The following MAP1S variants were observed in gnomAD, a reference collection of about 807,000 sequenced individuals.
MAP1S encodes microtubule-associated protein 1S.
MAP1S carries 27 observed loss-of-function variants against 60.9 expected under a neutral mutation model. The ratio of observed to expected loss-of-function variants is 0.44; its 90% CI spans 0.33 to 0.61. The LOEUF is 0.61. Ranked by LOEUF, MAP1S falls within the 20% of genes least tolerant of loss-of-function variation. The pLI, the probability that MAP1S is intolerant of heterozygous loss-of-function variation, is 0.03. For synonymous variants in MAP1S, 826 were observed against 694.2 expected (o/e 1.19, Z -2.98); for missense variants, 1,608 against 1,486.6 (o/e 1.08, Z -1.34).
rs948979492 is a variant in MAP1S at position 17,719,519 on chromosome 19, G to A, written c.17G>A (p.Gly6Glu). The A allele has an allele frequency of 4.6e-5, 57 of 1,245,724 alleles. No individual in the cohort carries two copies. Among genetic ancestry groups the A allele is most frequent in the Admixed American group, 1.7e-4 (4 of 23,664 alleles). The allele number at this position is 1,245,724 out of a possible 1,614,324, so 77.2% of individuals were successfully genotyped here. Residue 6 changes from glycine (G) to glutamate (E), a missense_variant, in exon 1 of 7, where the codon GGA (glycine) becomes GAA (glutamate). Physicochemically the swap from Gly to Glu is moderately conservative, Grantham distance 98. Around this residue, in one of 4 missense-constraint regions of MAP1S, gnomAD observed 45 missense variants for 22.0 expected, o/e 2.04. Coordinates refer to ENST00000324096, the MANE Select transcript of MAP1S (RefSeq NM_018174.6). The stretch of plus-strand genomic sequence containing the variant: ...GGCCCGAAGATGGCGGCGGTGGCTG[G>A]ATCTGGGGCTGCCGCGGCTCCGAGC... MAAVA[G>E]SGAAAAPSSL...
At position 17,723,687 on chromosome 19, in the gene MAP1S, A is replaced by G. The variant is rs1376378548; in HGVS notation, c.221-439A>G. Among the ~76,000 whole-genome samples the G allele has an allele frequency of 2.6e-5, 4 of 152,096 alleles. No individual in the cohort carries two copies. The East Asian group carries it at 7.7e-4, about 29-fold the overall frequency. On this transcript the variant is annotated intron_variant, in intron 2 of 6. Coordinates refer to ENST00000324096, the MANE Select transcript of MAP1S (RefSeq NM_018174.6). ...TACACGGTGAAACCCTGTCTCTACT[A>G]AAAATACAAAAACTTAGCCGGGTGT...
Position 17,719,502 on chromosome 19 carries a change from G to T in MAP1S, c.-1G>T. On this transcript the variant is annotated 5_prime_UTR_variant, in exon 1 of 7. Transcript: ENST00000324096. The stretch of plus-strand genomic sequence containing the variant: ...GCCGAGAACGCCGGGGCGGCCCGAA[G>T]ATGGCGGCGGTGGCTGGATCTGGGG... 8.0e-7 allele frequency: 1 copy of T among 1,244,520 alleles called. No individual in the cohort carries two copies. 77.1% of individuals were successfully genotyped at this position (1,244,520 alleles called of 1,614,324 possible).
intron 5 of MAP1S, 165 bp from the exon 6 acceptor site, chr19:17,733,028 A>G: frequency 1.8e-6 from 1 of 564,326 alleles, no homozygotes; most frequent in South Asian, 2.3e-5. Flanking sequence ...TTCTTAAAAT[A>G]AGATTCACTG....
At chr19:17,720,261 C>G in intron 1 of MAP1S, 1 of 1,400,936 alleles carries the variant, frequency 7.1e-7, no homozygotes, top group South Asian at 1.5e-5. Flanking sequence ...CCCCATCCCT[C>G]GGAGCATCTG....
rs1234418364 is a variant in MAP1S at position 17,726,094 on chromosome 19, G to A, written c.710G>A (p.Arg237Lys). 1 of 1,613,892 alleles carries A rather than the reference G, an allele frequency of 6.2e-7. No homozygotes were observed. The highest frequency in any genetic ancestry group is 8.5e-7 in the Non-Finnish European group (1 of 1,179,948). ...CCCCCGACCTCCGGGGGCTTCCTCA[G>A]GCTGGGCCGGCCCTGCTGCTACATC... ...LEPPTSGGFLRLGRPCCYIFP... is the reference protein window; with the variant it reads ...LEPPTSGGFLKLGRPCCYIFP... The change falls in exon 5 of 7, where the codon AGG becomes AAG. Residue 237 changes from arginine (R) to lysine (K), a missense_variant. By Grantham distance (26) the Arg-to-Lys change is conservative (BLOSUM62 2). This residue lies in a region of MAP1S where 320 missense variants were observed against 393.1 expected (regional missense o/e 0.81). Coordinates refer to ENST00000324096, the MANE Select transcript of MAP1S (RefSeq NM_018174.6).
At chr19:17,720,842 G>T in intron 1 of MAP1S, 94 bp from the exon 2 acceptor site, 1 of 942,220 alleles carries the variant, frequency 1.1e-6, no homozygotes, top group East Asian at 2.4e-5. Context: ...GAGGAGGCTG[G>T]GGCGCTCCCC....
rs1276048597 is a variant in MAP1S, at chr19:17,733,331, A to G, written c.2927A>G (p.Tyr976Cys). 6.2e-7 allele frequency: 1 copy of G among 1,608,954 alleles called. No homozygotes were observed. The highest frequency in any genetic ancestry group is 1.9e-4 in the Middle Eastern group (1 of 5,302). Residue 976 changes from tyrosine to cysteine, a missense_variant, in exon 6 of 7, where the codon TAC becomes TGC. Physicochemically the swap from Tyr to Cys is radical, Grantham distance 194 (BLOSUM62 -2). This residue lies in a region of MAP1S where 1,167 missense variants were observed against 961.4 expected (regional missense o/e 1.21). Transcript: ENST00000324096. ...TTCCAGCGCGTGCGCGCGCTCTGCT[A>G]CGTCATCAGTGGCCAGGACCAGCGC... is the stretch of plus-strand genomic sequence containing the variant. Reference protein sequence around the residue: ...EFFQRVRALCYVISGQDQRKE... With the variant: ...EFFQRVRALCCVISGQDQRKE...
intron 2 of MAP1S, chr19:17,721,338 C>T: frequency 7.6e-6 from 3 of 395,628 alleles, no homozygotes; most frequent in South Asian, 6.2e-5. Context: ...ACTGGTGTGT[C>T]CAGTGGAAGG....
Position 17,726,144 on chromosome 19 carries a change from G to A in MAP1S, c.760G>A (p.Ala254Thr), listed in dbSNP as rs1414371179. 6.2e-7 allele frequency: 1 copy of A among 1,613,816 alleles called. No individual in the cohort carries two copies. Among genetic ancestry groups the A allele is most frequent in the Non-Finnish European group, 8.5e-7 (1 of 1,179,922 alleles). The part of the protein sequence containing the change: ...YIFPGGLGDA[A>T]FFAVNGFTVL... Reference sequence around the variant, plus strand: ...CTTCCCTGGAGGCCTCGGGGATGCCGCCTTCTTCGCCGTCAATGGCTTCAC... The same window carrying A: ...CTTCCCTGGAGGCCTCGGGGATGCCACCTTCTTCGCCGTCAATGGCTTCAC... Residue 254 changes from alanine (A) to threonine (T), a missense_variant, in exon 5 of 7, where the codon GCC becomes ACC. By Grantham distance (58) the Ala-to-Thr change is moderately conservative. Coordinates refer to ENST00000324096, the MANE Select transcript of MAP1S (RefSeq NM_018174.6).
intron 1 of MAP1S, chr19:17,720,066 C>T (rs994541800): frequency 1.6e-5 from 18 of 1,094,418 alleles, no homozygotes; most frequent in Non-Finnish European, 2.0e-5. Flanking sequence ...CCTGGAGCCC[C>T]GGGGCCCGCT....
chr19:17,726,723 C>G lies in MAP1S; in HGVS notation c.1339C>G (p.Arg447Gly). The G allele has an allele frequency of 1.3e-6, 2 of 1,590,052 alleles. No homozygotes were observed. The highest frequency in any genetic ancestry group is 1.7e-6 in the Non-Finnish European group (2 of 1,171,746). The change falls in exon 5 of 7, where the codon CGC becomes GGC. Residue 447 changes from arginine (R) to glycine (G), a missense_variant. Physicochemically the swap from Arg to Gly is moderately radical, Grantham distance 125. Coordinates refer to ENST00000324096, the MANE Select transcript of MAP1S (RefSeq NM_018174.6). ...CGCCTGCCTCCTGGACGGCCTGGTC[C>G]GCCTGCAGCACTTGAGGTTCCTGCG... ...PPACLLDGLV[R>G]LQHLRFLREP...
intron 1 of MAP1S, 135 bp downstream of exon 1, chr19:17,719,755 G>A (rs1264509818): frequency 1.2e-5 from 3 of 240,562 alleles, no homozygotes; most frequent in African/African-American, 6.9e-5. Flanking sequence ...CGCGGGCCTG[G>A]GGCTGGGTCC....
chr19:17,733,783 G>C (rs2080514573), intron 6 of MAP1S, among the ~76,000 whole-genome samples: 3 of 152,218 alleles, frequency 2.0e-5, no homozygotes, highest in Admixed American at 2.0e-4. Flanking sequence ...CTCCCCCATG[G>C]CTGCATGAAG....
In MAP1S at chr19:17,734,359, G is replaced by A. The variant is rs747925907; in HGVS notation, c.3111G>A (p.Thr1037=). The part of the protein sequence containing the change: ...THARHQALGI[T]VLGSNSMVSM... ...CCCGGCACCAGGCGCTGGGCATCAC[G>A]GTGTTGGGCAGCAACAGCATGGTGT... The change falls in exon 7 of 7, where the codon ACG becomes ACA. Residue 1037 remains threonine (T), a synonymous_variant. Transcript: ENST00000324096. 1.4e-5 allele frequency: 23 copies of A among 1,613,690 alleles called. No homozygotes were observed. In the South Asian group the frequency reaches 1.5e-4, roughly 11 times the overall value.
chr19:17,729,685 A>T (rs754258549), intron 5 of MAP1S, among the ~76,000 whole-genome samples: 1 of 151,046 alleles, frequency 6.6e-6, no homozygotes, highest in African/African-American at 2.4e-5. Flanking sequence ...TTTTTTTGAG[A>T]TGGAGTCTTG....
At chr19:17,730,242 C>T (rs566514360) in intron 5 of MAP1S, among the ~76,000 whole-genome samples, 6 of 152,298 alleles carry the variant, frequency 3.9e-5, no homozygotes, top group African/African-American at 1.4e-4. Context: ...GATGTTGCAT[C>T]TTTTCATATG....
Position 17,725,213 on chromosome 19 carries a change from C to T in MAP1S, c.444+24C>T. 1 of 1,591,136 alleles carries T rather than the reference C, an allele frequency of 6.3e-7. No homozygotes were observed. Among genetic ancestry groups the T allele is most frequent in the South Asian group, 1.1e-5 (1 of 87,066 alleles). On this transcript the variant is annotated intron_variant, in intron 4 of 6. Transcript: ENST00000324096. This position sits in a 1 kb window ranked among gnomAD's most constrained non-coding sequence, Gnocchi z 4.2. ...AGGTAAGCCACCCCTTTGCCATCCC[C>T]TGCTTCCCCAGCTCTGAATCCTGAC...
intron 1 of MAP1S, 92 bp downstream of exon 1, chr19:17,719,712 GC>G: frequency 2.0e-6 from 1 of 497,548 alleles, no homozygotes; most frequent in Non-Finnish European, 2.6e-6. Flanking sequence ...GGCGGCGGCG[GC>G]GGCGGCGGGA....
In MAP1S at chr19:17,733,282, G is replaced by A. The variant is rs1314109928; in HGVS notation, c.2878G>A (p.Ala960Thr). The A allele has an allele frequency of 5.7e-6, 9 of 1,575,528 alleles. No homozygotes were observed. The South Asian group carries it at 5.8e-5, about 10-fold the overall frequency. ...DLAYLPSGSS[A>T]HLVDEEFFQR... The stretch of plus-strand genomic sequence containing the variant: ...GGCCTACCTGCCCAGCGGGAGCAGC[G>A]CCCACCTGGTGGATGAGGAGTTCTT... The change falls in exon 6 of 7, where the codon GCC (alanine) becomes ACC (threonine). Residue 960 changes from alanine to threonine, a missense_variant. By Grantham distance (58) the Ala-to-Thr change is moderately conservative. Transcript: ENST00000324096.
Sources: allele counts gnomAD v4.1 joint callset (sites outside exome capture counted in the v4.1 genomes callset), GRCh38; gene constraint gnomAD v4.1.1; regional missense constraint gnomAD v4.1.1; non-coding constraint Gnocchi (gnomAD v3.1); transcripts MANE v1.5; gene names NCBI Gene and HGNC (gene_info 2026-07-23, HGNC 2026-07-21).